DPP6: variants seen among roughly 807,000 people sequenced by gnomAD.
DPP6 encodes the protein dipeptidyl peptidase like 6.
DPP6 carries 69 observed loss-of-function variants against 122.6 expected under a neutral mutation model. That is an observed-to-expected ratio of 0.56 (90% CI 0.46 to 0.69). The LOEUF is 0.69. Among genes scored for constraint, DPP6 ranks in the 30% least tolerant of loss-of-function variants. DPP6 has a pLI of 0.00. For missense variants in DPP6, 928 were observed against 1,116.9 expected, an observed-to-expected ratio of 0.83 and a Z score of 2.41; for synonymous variants, 418 against 433.1, an observed-to-expected ratio of 0.97 and a Z score of 0.43.
intron 1 of DPP6, among the ~76,000 whole-genome samples, chr7:154,129,644 A>G (rs967970388): frequency 1.3e-5 from 2 of 152,218 alleles, no homozygotes; most frequent in African/African-American, 4.8e-5. Context: ...TTACGCCTGT[A>G]ATCCCAGCAC....
At chr7:154,528,707 T>C (rs1049316730) in intron 3 of DPP6, among the ~76,000 whole-genome samples, 2 of 152,168 alleles carry the variant, frequency 1.3e-5, no homozygotes, top group East Asian at 3.8e-4. Flanking sequence ...TATCATGCTG[T>C]GATGAATATA....
intron 1 of DPP6, among the ~76,000 whole-genome samples, chr7:154,158,487 A>C (rs150169244): frequency 0.016 from 2,424 of 151,652 alleles, 91 homozygotes; most frequent in African/African-American, 0.056. Flanking sequence ...AAATCTCCTA[A>C]ATTTCTGAAT....
At chr7:154,242,644 G>A (rs1334258663) in intron 1 of DPP6, among the ~76,000 whole-genome samples, 1 of 152,210 alleles carries the variant, frequency 6.6e-6, no homozygotes, top group African/African-American at 2.4e-5. Flanking sequence ...CTCTGCCTGG[G>A]ACCGTTTCCT....
chr7:153,884,746 G>A (rs1235793465), upstream of DPP6, among the ~76,000 whole-genome samples: 3 of 151,986 alleles, frequency 2.0e-5, no homozygotes, highest in Non-Finnish European at 4.4e-5. Context: ...TGGGGAGGCC[G>A]AGGTGGGCAG....
chr7:154,852,084 T>C (rs1802432160), intron 16 of DPP6, among the ~76,000 whole-genome samples: 1 of 152,154 alleles, frequency 6.6e-6, no homozygotes, highest in Non-Finnish European at 1.5e-5. Context: ...ACATGCTCTT[T>C]GGGCCCTGGA....
chr7:154,187,563 A>G (rs1040042088), intron 1 of DPP6, among the ~76,000 whole-genome samples: 1 of 152,342 alleles, frequency 6.6e-6, no homozygotes, highest in Non-Finnish European at 1.5e-5. Flanking sequence ...GCTTTCCTAT[A>G]TACTCTCTAC....
chr7:154,351,946 GGAT>G (rs1291694910), intron 1 of DPP6, among the ~76,000 whole-genome samples: 2 of 152,110 alleles, frequency 1.3e-5, no homozygotes, highest in Admixed American at 1.3e-4. Flanking sequence ...GTGGGAGTGA[GGAT>G]GATGACATCC....
intron 16 of DPP6, among the ~76,000 whole-genome samples, chr7:154,842,128 C>T (rs1801600731): frequency 6.6e-6 from 1 of 152,196 alleles, no homozygotes; most frequent in South Asian, 2.1e-4. Flanking sequence ...AGATCTGGAG[C>T]CTGTTCGCAG....
intron 5 of DPP6, among the ~76,000 whole-genome samples, chr7:154,586,782 G>A (rs1258909662): frequency 6.6e-6 from 1 of 152,130 alleles, no homozygotes; most frequent in African/African-American, 2.4e-5. Context: ...TCCAGCTGGT[G>A]ATCTCTTCCA....
At chr7:154,743,997 G>T (rs1842928952) in intron 8 of DPP6, among the ~76,000 whole-genome samples, 1 of 152,110 alleles carries the variant, frequency 6.6e-6, no homozygotes, top group African/African-American at 2.4e-5. Flanking sequence ...TCCTTATGTG[G>T]GATGGTGACA....
At chr7:154,285,823 C>T (rs903663703) in intron 1 of DPP6, among the ~76,000 whole-genome samples, 3 of 152,120 alleles carry the variant, frequency 2.0e-5, no homozygotes, top group Admixed American at 1.3e-4. Context: ...TGATGTGTTT[C>T]GAATACGGGA....
chr7:154,725,936 A>C (rs564353996), intron 7 of DPP6, among the ~76,000 whole-genome samples: 1 of 152,218 alleles, frequency 6.6e-6, no homozygotes, highest in African/African-American at 2.4e-5. Context: ...TACAGGCCAC[A>C]TGCAAGTCTG....
intron 1 of DPP6, among the ~76,000 whole-genome samples, chr7:154,085,187 A>T (rs536615172): frequency 6.6e-6 from 1 of 152,204 alleles, no homozygotes; most frequent in Non-Finnish European, 1.5e-5. Flanking sequence ...GACTTAGCCT[A>T]CACACTGGGC....
intron 5 of DPP6, among the ~76,000 whole-genome samples, chr7:154,585,606 C>G (rs1832388504): frequency 6.6e-6 from 1 of 152,174 alleles, no homozygotes; most frequent in Non-Finnish European, 1.5e-5. Context: ...TAGTATTTCC[C>G]TATAACCTAC....
At chr7:153,802,825 G>C in the DPP6 span, among the ~76,000 whole-genome samples, 168 of 151,090 alleles carry the variant, frequency 1.1e-3, 1 homozygote, top group East Asian at 3.3e-3. Flanking sequence ...GGGACTCCCA[G>C]TGGCTCTACT....
intron 1 of DPP6, among the ~76,000 whole-genome samples, chr7:154,083,660 A>G (rs2150533616): frequency 6.8e-6 from 1 of 147,518 alleles, no homozygotes; most frequent in South Asian, 2.2e-4. Flanking sequence ...AATAAAGGAA[A>G]AAGCAGAGAA....
At chr7:153,849,707 T>G in the DPP6 span, among the ~76,000 whole-genome samples, 1 of 152,230 alleles carries the variant, frequency 6.6e-6, no homozygotes, top group African/African-American at 2.4e-5. Flanking sequence ...AAATGTTCTT[T>G]GAGAATTCTT....
intron 1 of DPP6, among the ~76,000 whole-genome samples, chr7:154,268,616 A>G (rs1255855366): frequency 6.6e-6 from 1 of 152,178 alleles, no homozygotes; most frequent in Non-Finnish European, 1.5e-5. Flanking sequence ...GACCACAGTG[A>G]CAGCCTACAA....
intron 16 of DPP6, among the ~76,000 whole-genome samples, chr7:154,852,679 C>T (rs541894900): frequency 2.6e-5 from 4 of 152,316 alleles, no homozygotes; most frequent in Admixed American, 2.6e-4. Context: ...TTGACTGTCT[C>T]GGAGCTTACA....
Sources: allele counts gnomAD v4.1 joint callset (sites outside exome capture counted in the v4.1 genomes callset), GRCh38; gene constraint gnomAD v4.1.1; transcripts MANE v1.5; gene names NCBI Gene and HGNC (gene_info 2026-07-23, HGNC 2026-07-21).